FGGY: variants seen among roughly 807,000 people sequenced by gnomAD.
FGGY encodes FGGY carbohydrate kinase domain containing.
In FGGY, 72 loss-of-function variants were observed where a neutral mutation model predicts 71.3. That is an observed-to-expected ratio of 1.01 (90% CI 0.84 to 1.23). The LOEUF is 1.23. FGGY is among the 50% of genes most tolerant of loss of function. FGGY has a pLI of 0.00. For synonymous variants in FGGY, 251 were observed against 250.3 expected (o/e 1.00, Z -0.02); for missense variants, 668 against 682.3 (o/e 0.98, Z 0.23).
intron 7 of FGGY, among the ~76,000 whole-genome samples, chr1:59,518,560 T>C (rs1401997802): frequency 6.6e-6 from 1 of 152,194 alleles, no homozygotes; most frequent in Non-Finnish European, 1.5e-5. Context: ...GGGGATTGTA[T>C]CATGGTGGTG....
chr1:59,746,031 C>CT (rs2098194397), intron 14 of FGGY, among the ~76,000 whole-genome samples: 1 of 151,974 alleles, frequency 6.6e-6, no homozygotes, highest in African/African-American at 2.4e-5. Context: ...TTGAAACCGT[C>CT]TAACAGTGGA....
At chr1:59,541,428 C>G (rs1036824115) in intron 7 of FGGY, among the ~76,000 whole-genome samples, 1 of 151,990 alleles carries the variant, frequency 6.6e-6, no homozygotes, top group Admixed American at 6.6e-5. Flanking sequence ...TGCTGCCAGG[C>G]CTGTACAGAG....
intron 12 of FGGY, among the ~76,000 whole-genome samples, chr1:59,661,073 A>G (rs1276260040): frequency 6.6e-6 from 1 of 152,232 alleles, no homozygotes; most frequent in African/African-American, 2.4e-5. Context: ...ATAGGAATTA[A>G]CAGAAAGGAA....
chr1:59,654,719 G>A (rs964302409), intron 11 of FGGY, among the ~76,000 whole-genome samples: 1 of 152,106 alleles, frequency 6.6e-6, no homozygotes, highest in Middle Eastern at 3.2e-3. Context: ...TTAGGACTGT[G>A]GTGAAATGCA....
At chr1:59,623,559 G>A in intron 9 of FGGY, among the ~76,000 whole-genome samples, 1 of 152,098 alleles carries the variant, frequency 6.6e-6, no homozygotes, top group Non-Finnish European at 1.5e-5. Flanking sequence ...CAGGCATGAG[G>A]CTAAACCAGT....
intron 5 of FGGY, among the ~76,000 whole-genome samples, chr1:59,401,995 CA>C (rs1176859893): frequency 2.6e-5 from 4 of 152,162 alleles, no homozygotes; most frequent in Admixed American, 6.5e-5. Context: ...GCATACTATT[CA>C]GTGTTTCGAT....
chr1:59,353,074 G>A (rs2053606940), intron 4 of FGGY, among the ~76,000 whole-genome samples: 1 of 152,130 alleles, frequency 6.6e-6, no homozygotes, highest in Admixed American at 6.5e-5. Flanking sequence ...TACAGGATTT[G>A]GAGCCAAACT....
chr1:59,585,459 C>T (rs1571655259), intron 8 of FGGY, among the ~76,000 whole-genome samples: 1 of 152,296 alleles, frequency 6.6e-6, no homozygotes, highest in South Asian at 2.1e-4. Context: ...GGAAAACTGG[C>T]TAGCCATATG....
In FGGY at chr1:59,557,251, C is replaced by T. The variant is rs954719694; in HGVS notation, c.903+3024C>T. On this transcript the variant is annotated intron_variant, in intron 8 of 15. Coordinates refer to ENST00000303721, the MANE Select transcript of FGGY (RefSeq NM_018291.5). ...AGAACACAGGGACCAAAGGGTGATG[C>T]GGGCTTTTCAAAAAGTGGTTTTCAG... Among the ~76,000 whole-genome samples the T allele has an allele frequency of 5.3e-5, 8 of 152,210 alleles. 1 individual carries two copies. Among genetic ancestry groups the T allele is most frequent in the Non-Finnish European group, 1.2e-4 (8 of 67,996 alleles).
intron 14 of FGGY, among the ~76,000 whole-genome samples, chr1:59,733,633 C>G (rs1429314095): frequency 6.6e-6 from 1 of 152,106 alleles, no homozygotes; most frequent in Non-Finnish European, 1.5e-5. Flanking sequence ...ATTTTTGCAA[C>G]ATTATTTCTC....
intron 3 of FGGY, among the ~76,000 whole-genome samples, chr1:59,340,397 G>C (rs1053043812): frequency 6.6e-6 from 1 of 152,234 alleles, no homozygotes; most frequent in East Asian, 1.9e-4. Context: ...TCTGAGAAGA[G>C]AGTGTCAGTG....
intron 13 of FGGY, among the ~76,000 whole-genome samples, chr1:59,667,978 T>C (rs988761477): frequency 2.0e-5 from 3 of 152,206 alleles, no homozygotes; most frequent in African/African-American, 7.2e-5. Flanking sequence ...ATGCAGAGGC[T>C]GGATGCTATA....
At chr1:59,430,991 A>C (rs1246344688) in intron 5 of FGGY, among the ~76,000 whole-genome samples, 1 of 152,142 alleles carries the variant, frequency 6.6e-6, no homozygotes, top group Non-Finnish European at 1.5e-5. Context: ...TCAAACAAGA[A>C]ACCTTGATGG....
intron 14 of FGGY, among the ~76,000 whole-genome samples, chr1:59,695,806 A>T (rs958518562): frequency 6.6e-6 from 1 of 152,188 alleles, no homozygotes; most frequent in Non-Finnish European, 1.5e-5. Context: ...GCAGAATGTC[A>T]TGAGTTCTTC....
At chr1:59,526,201 T>C (rs879475742) in intron 7 of FGGY, among the ~76,000 whole-genome samples, 1 of 152,214 alleles carries the variant, frequency 6.6e-6, no homozygotes, top group Non-Finnish European at 1.5e-5. Context: ...CATAGGGTAC[T>C]GCTGAGTGTT....
intron 2 of FGGY, among the ~76,000 whole-genome samples, chr1:59,331,353 C>A (rs117555227): frequency 0.021 from 3,171 of 152,262 alleles, 51 homozygotes; most frequent in East Asian, 0.05. Context: ...CTTCACTGGT[C>A]ACTAGAGTAG....
chr1:59,316,552 A>T (rs115121391), intron 1 of FGGY, among the ~76,000 whole-genome samples: 2,793 of 152,180 alleles, frequency 0.018, 92 homozygotes, highest in African/African-American at 0.065. Flanking sequence ...TTCACACTGC[A>T]TTTGAGCAGT....
intron 5 of FGGY, among the ~76,000 whole-genome samples, chr1:59,446,749 A>G (rs2071354186): frequency 6.6e-6 from 1 of 152,186 alleles, no homozygotes; most frequent in Non-Finnish European, 1.5e-5. Flanking sequence ...AGCTCTAATT[A>G]TTCTGTTCTT....
intron 8 of FGGY, among the ~76,000 whole-genome samples, chr1:59,565,805 T>C (rs1571354305): frequency 1.3e-5 from 2 of 152,268 alleles, no homozygotes; most frequent in South Asian, 4.1e-4. Flanking sequence ...GTGCTTTCAT[T>C]TTCCCTTTTT....
Sources: gnomAD v4.1 joint callset for allele counts (sites outside exome capture counted in the v4.1 genomes callset) on GRCh38, gnomAD v4.1.1 for gene constraint, MANE v1.5 for transcripts, NCBI Gene and HGNC (gene_info 2026-07-23, HGNC 2026-07-21) for gene names.